Variants in GAS2 observed in about 807,000 individuals in gnomAD.
GAS2 encodes growth arrest specific 2.
A neutral mutation model predicts 37.5 loss-of-function variants in GAS2; 20 were observed. The observed-to-expected ratio is 0.53, with a 90% CI of 0.37 to 0.77. The LOEUF is 0.77. GAS2 is among the 30% of genes least tolerant of loss of function. The pLI is 0.00. For synonymous variants in GAS2, 144 were observed against 132.2 expected (o/e 1.09, Z -0.61); for missense variants, 336 against 373.4 (o/e 0.90, Z 0.82).
intron 1 of GAS2, among the ~76,000 whole-genome samples, chr11:22,648,376 A>C (rs1309477797): frequency 1.3e-5 from 2 of 152,144 alleles, no homozygotes; most frequent in African/African-American, 2.4e-5. Flanking sequence ...TAGCTTTGTT[A>C]TTTTGGCTTA....
chr11:22,699,322 T>A (rs1417133129), intron 3 of GAS2, among the ~76,000 whole-genome samples: 2 of 152,128 alleles, frequency 1.3e-5, no homozygotes, highest in Non-Finnish European at 2.9e-5. Flanking sequence ...GGACCCAAAC[T>A]CTTTACTATG....
chr11:22,744,932 C>T (rs1853298024), intron 5 of GAS2, among the ~76,000 whole-genome samples: 1 of 151,852 alleles, frequency 6.6e-6, no homozygotes, highest in Non-Finnish European at 1.5e-5. Context: ...AGTGAAAGAT[C>T]TCTACAAGAA....
chr11:22,660,034 C>G (rs78932636), intron 1 of GAS2, among the ~76,000 whole-genome samples: 1,606 of 152,246 alleles, frequency 0.011, 34 homozygotes, highest in African/African-American at 0.037. Context: ...TCAAATCAGT[C>G]AGACTCAGGC....
In GAS2 at chr11:22,786,249, A is replaced by C. The variant is rs540627312; in HGVS notation, c.724-25549A>C. Among the ~76,000 whole-genome samples the C allele has an allele frequency of 2.0e-5, 3 of 152,280 alleles. 1 individual carries two copies. The highest frequency in any genetic ancestry group is 2.0e-4 in the Admixed American group (3 of 15,284). On this transcript the variant is annotated intron_variant, in intron 7 of 7. Transcript: ENST00000454584. ...GAGTTGGATAAAAAAAAATTGTGAA[A>C]ATGAACTTCATCCGAGCTGTCACCA...
intron 1 of GAS2, among the ~76,000 whole-genome samples, chr11:22,661,402 A>G (rs1199409185): frequency 6.6e-6 from 1 of 152,200 alleles, no homozygotes; most frequent in Non-Finnish European, 1.5e-5. Context: ...TTTGAAATAT[A>G]AGGATGAATA....
chr11:22,706,793 A>G (rs1397478901), intron 3 of GAS2, among the ~76,000 whole-genome samples: 2 of 152,030 alleles, frequency 1.3e-5, no homozygotes, highest in Non-Finnish European at 2.9e-5. Context: ...TGCAATAAAC[A>G]TATGTGTGCA....
At chr11:22,701,087 A>G (rs1334450230) in intron 3 of GAS2, among the ~76,000 whole-genome samples, 1 of 152,188 alleles carries the variant, frequency 6.6e-6, no homozygotes, top group Non-Finnish European at 1.5e-5. Flanking sequence ...GTAAAAATAC[A>G]ATTTCTATAA....
chr11:22,710,686 T>G (rs1851361814), intron 3 of GAS2, among the ~76,000 whole-genome samples: 1 of 152,172 alleles, frequency 6.6e-6, no homozygotes, highest in South Asian at 2.1e-4. Context: ...TCACACCTGC[T>G]ATCTCAAGCT....
intron 1 of GAS2, among the ~76,000 whole-genome samples, chr11:22,654,088 A>T (rs1488283638): frequency 6.6e-6 from 1 of 152,216 alleles, no homozygotes; most frequent in African/African-American, 2.4e-5. Flanking sequence ...TGTGGACTAG[A>T]TATAAACTAA....
intron 3 of GAS2, among the ~76,000 whole-genome samples, chr11:22,716,376 A>G (rs923401467): frequency 1.3e-5 from 2 of 152,202 alleles, no homozygotes; most frequent in African/African-American, 2.4e-5. Flanking sequence ...CCGGGGGCTC[A>G]TGACCATAAT....
intron 7 of GAS2, among the ~76,000 whole-genome samples, chr11:22,797,866 G>C (rs765053519): frequency 6.6e-6 from 1 of 151,988 alleles, no homozygotes; most frequent in Non-Finnish European, 1.5e-5. Flanking sequence ...TTGTGGTTTT[G>C]GGGTTCATTC....
At chr11:22,793,488 AAAG>A (rs1430093685) in intron 7 of GAS2, among the ~76,000 whole-genome samples, 6 of 152,172 alleles carry the variant, frequency 3.9e-5, no homozygotes, top group African/African-American at 1.4e-4. Context: ...AGAGTTAGAG[AAAG>A]AAGAAGACTT....
At chr11:22,770,738 T>C (rs765384569) in intron 7 of GAS2, among the ~76,000 whole-genome samples, 1 of 152,232 alleles carries the variant, frequency 6.6e-6, no homozygotes, top group Non-Finnish European at 1.5e-5. Flanking sequence ...TATCATTTAA[T>C]GTGGATTACT....
chr11:22,644,436 C>T (rs1848664784), intron 1 of GAS2, among the ~76,000 whole-genome samples: 1 of 152,006 alleles, frequency 6.6e-6, no homozygotes, highest in East Asian at 1.9e-4. Flanking sequence ...GGAGGCTTTA[C>T]AGAGAATATT....
Position 22,809,039 on chromosome 11 carries a change from G to A in GAS2, c.724-2759G>A, listed in dbSNP as rs183169504. ...AGTCAGGTTCTTGTTTTACAGAGGC[G>A]TACACTGAGAACCAGATCTTTGATT... On this transcript the variant is annotated intron_variant, in intron 7 of 7. Transcript: ENST00000454584. 4.6e-5 allele frequency among the ~76,000 whole-genome samples: 7 copies of A among 152,234 alleles called. No homozygotes were observed. The East Asian group carries it at 5.8e-4, about 13-fold the overall frequency.
intron 3 of GAS2, among the ~76,000 whole-genome samples, chr11:22,697,084 G>A (rs1407708154): frequency 1.4e-4 from 22 of 152,210 alleles, no homozygotes; most frequent in Admixed American, 9.2e-4. Flanking sequence ...TAGGTCTAAG[G>A]TTTAAGTCTT....
At chr11:22,802,994 T>C (rs2134653158) in intron 7 of GAS2, among the ~76,000 whole-genome samples, 1 of 152,232 alleles carries the variant, frequency 6.6e-6, no homozygotes, top group East Asian at 1.9e-4. Context: ...CTGTGCCATC[T>C]CGTTTTGTGT....
At chr11:22,739,284 G>A (rs901748544) in intron 5 of GAS2, among the ~76,000 whole-genome samples, 4 of 152,058 alleles carry the variant, frequency 2.6e-5, no homozygotes, top group African/African-American at 7.2e-5. Flanking sequence ...GCTTAAGAAA[G>A]GGGAAGTTGG....
chr11:22,778,711 A>T (rs11026787), intron 7 of GAS2, among the ~76,000 whole-genome samples: 1 of 151,986 alleles, frequency 6.6e-6, no homozygotes, highest in Non-Finnish European at 1.5e-5. Flanking sequence ...TAGAAATCAT[A>T]GCAGATTTAA....
Sources: gnomAD v4.1 joint callset for allele counts (sites outside exome capture counted in the v4.1 genomes callset) on GRCh38, gnomAD v4.1.1 for gene constraint, MANE v1.5 for transcripts, NCBI Gene and HGNC (gene_info 2026-07-23, HGNC 2026-07-21) for gene names.